GDAP1: variants seen among roughly 807,000 people sequenced by gnomAD.
GDAP1 encodes the protein ganglioside induced differentiation associated protein 1, also known as ganglioside-induced differentiation-associated protein 1.
GDAP1 carries 34 observed loss-of-function variants against 40.1 expected under a neutral mutation model. The ratio of observed to expected loss-of-function variants is 0.85; its 90% CI spans 0.64 to 1.13. The LOEUF is 1.13. Among genes scored for constraint, GDAP1 ranks in the 50% most tolerant of loss-of-function variants. GDAP1 has a pLI of 0.00. For missense variants in GDAP1, 374 were observed against 433.7 expected (o/e 0.86, Z 1.22); for synonymous variants, 170 against 157.4 (o/e 1.08, Z -0.60).
rs1386211866 is a variant in GDAP1, at chr8:74,366,330, T to C, written c.*1963T>C. 4.4e-6 allele frequency: 2 copies of C among 454,390 alleles called. No homozygotes were observed. Among genetic ancestry groups the C allele is most frequent in the African/African-American group, 4.0e-5 (2 of 50,008 alleles). 28.1% of individuals were successfully genotyped at this position (454,390 alleles called of 1,614,324 possible). ...AGACTAAGATTGAGTGTTCTTTTTG[T>C]TCAGCAACTCTTCTAAAATGTTTCA... is the stretch of plus-strand genomic sequence containing the variant. On this transcript the variant is annotated 3_prime_UTR_variant, in exon 6 of 6. Coordinates refer to ENST00000220822, the MANE Select transcript of GDAP1 (RefSeq NM_018972.4).
chr8:74,422,324 T>A (rs1182677088), intron 2 of GDAP1, among the ~76,000 whole-genome samples: 1 of 67,264 alleles, frequency 1.5e-5, no homozygotes, highest in Non-Finnish European at 2.7e-5. Flanking sequence ...TTTCTTTCTT[T>A]CTTTCTTTCT....
chr8:74,369,541 C>G (rs1236782838), downstream of GDAP1, among the ~76,000 whole-genome samples: 1 of 151,966 alleles, frequency 6.6e-6, no homozygotes, highest in African/African-American at 2.4e-5. Flanking sequence ...GCCTCAGGAA[C>G]ATGTGGAAAA....
Position 74,351,267 on chromosome 8 carries a change from C to G in GDAP1, c.118-7C>G, listed in dbSNP as rs779388585. ...TGTGTTGTAGTAACCAGTGTGAACT[C>G]TTCCAGGTGCGCTTGGTAATTGCTG... On this transcript the variant is annotated splice_polypyrimidine_tract_variant and splice_region_variant and intron_variant, in intron 1 of 5. Coordinates refer to ENST00000220822, the MANE Select transcript of GDAP1 (RefSeq NM_018972.4). The G allele has an allele frequency of 9.9e-6, 16 of 1,612,960 alleles. No individual in the cohort carries two copies. The highest frequency in any genetic ancestry group is 1.1e-5 in the Non-Finnish European group (13 of 1,178,872).
At chr8:74,379,461 T>C (rs992017577) in intron 2 of GDAP1, among the ~76,000 whole-genome samples, 4 of 152,146 alleles carry the variant, frequency 2.6e-5, no homozygotes, top group Non-Finnish European at 5.9e-5. Context: ...TGGTGGATGA[T>C]TGTATTATTA....
intron 2 of GDAP1, among the ~76,000 whole-genome samples, chr8:74,426,203 T>C (rs923362473): frequency 6.6e-6 from 1 of 152,236 alleles, no homozygotes; most frequent in Non-Finnish European, 1.5e-5. Context: ...GCAAATGGTT[T>C]CCATATACCT....
intron 4 of GDAP1, 28 bp downstream of exon 4, chr8:74,362,006 C>T: frequency 1.9e-6 from 2 of 1,076,732 alleles, no homozygotes; most frequent in Admixed American, 1.7e-5. Flanking sequence ...CCTCAGTTGA[C>T]ATACACTGCA....
Position 74,365,155 on chromosome 8 carries a change from A to G in GDAP1, c.*788A>G, listed in dbSNP as rs1396866643. On this transcript the variant is annotated 3_prime_UTR_variant, in exon 6 of 6. Transcript: ENST00000220822. Reference sequence around the variant, plus strand: ...TAGGTGAATGTCCCAGCTAATCACTAGCATGTCTAGGTATTGGCTGGGTAG... The same window carrying G: ...TAGGTGAATGTCCCAGCTAATCACTGGCATGTCTAGGTATTGGCTGGGTAG... 2 of 454,080 alleles carry G rather than the reference A, an allele frequency of 4.4e-6. No homozygotes were observed. The highest frequency in any genetic ancestry group is 2.3e-5 in the Admixed American group (1 of 42,568). 28.1% of individuals were successfully genotyped at this position (454,080 alleles called of 1,614,324 possible).
chr8:74,472,966 C>G (rs1374287434), intron 2 of GDAP1, among the ~76,000 whole-genome samples: 1 of 151,912 alleles, frequency 6.6e-6, no homozygotes, highest in African/African-American at 2.4e-5. Context: ...CCCAGGCTGA[C>G]ACTGAACTCA....
intron 2 of GDAP1, among the ~76,000 whole-genome samples, chr8:74,382,535 T>C (rs975990627): frequency 2.0e-5 from 3 of 152,156 alleles, no homozygotes; most frequent in Non-Finnish European, 2.9e-5. Context: ...TTTTGCCTAA[T>C]AAAAAATATT....
At chr8:74,458,971 C>G (rs775400195) in intron 2 of GDAP1, among the ~76,000 whole-genome samples, 1 of 152,138 alleles carries the variant, frequency 6.6e-6, no homozygotes, top group Non-Finnish European at 1.5e-5. Context: ...TTTTTGGCCT[C>G]CAGACTATGG....
At chr8:74,471,446 CTTTT>C (rs11306112) in intron 2 of GDAP1, among the ~76,000 whole-genome samples, 1 of 150,022 alleles carries the variant, frequency 6.7e-6, no homozygotes, top group African/African-American at 2.4e-5. Context: ...GTAAATTTTC[CTTTT>C]TTTTTTAAAA....
intron 2 of GDAP1, among the ~76,000 whole-genome samples, chr8:74,458,358 T>A (rs563835050): frequency 1.3e-5 from 2 of 152,202 alleles, no homozygotes; most frequent in South Asian, 4.1e-4. Flanking sequence ...TCATTCTAAG[T>A]TTGTGAGGTC....
At chr8:74,370,493 C>T (rs1057329314), downstream of GDAP1, among the ~76,000 whole-genome samples, 21 of 152,072 alleles carry the variant, frequency 1.4e-4, no homozygotes, top group African/African-American at 4.6e-4. Flanking sequence ...GATAAGAACA[C>T]GTTGTTAGCT....
intron 2 of GDAP1, among the ~76,000 whole-genome samples, chr8:74,393,838 T>C (rs918735305): frequency 6.6e-6 from 1 of 152,202 alleles, no homozygotes; most frequent in African/African-American, 2.4e-5. Context: ...TTTTAAGAGC[T>C]AAATAACTCT....
chr8:74,403,396 T>C (rs1805587965), intron 2 of GDAP1, among the ~76,000 whole-genome samples: 1 of 150,156 alleles, frequency 6.7e-6, no homozygotes, highest in Admixed American at 6.6e-5. Context: ...TTTTTTTCTA[T>C]CCTGTCAGAG....
chr8:74,364,473 T>C lies in GDAP1; in HGVS notation c.*106T>C, dbSNP rs1280470942. The stretch of plus-strand genomic sequence containing the variant: ...TTATTGAGTAGTTAGCAGTATTTTT[T>C]CCTAAAATTCAGAAGTCATCTTTGT... On this transcript the variant is annotated 3_prime_UTR_variant, in exon 6 of 6. Transcript: ENST00000220822. 1 of 1,178,610 alleles carries C rather than the reference T, an allele frequency of 8.5e-7. No homozygotes were observed. The highest frequency in any genetic ancestry group is 1.3e-6 in the Non-Finnish European group (1 of 798,454). 73.0% of individuals were successfully genotyped at this position (1,178,610 alleles called of 1,614,324 possible). A position where few individuals can be genotyped will look rare whatever the true frequency, so the allele number is the denominator to read the frequency against.
chr8:74,409,418 C>G (rs1805680500), intron 2 of GDAP1, among the ~76,000 whole-genome samples: 1 of 149,832 alleles, frequency 6.7e-6, no homozygotes, highest in Admixed American at 6.6e-5. Flanking sequence ...GTGGTGCGAT[C>G]TTGGCTCACT....
At chr8:74,452,369 A>T in intron 2 of GDAP1, among the ~76,000 whole-genome samples, 1 of 83,132 alleles carries the variant, frequency 1.2e-5, no homozygotes, top group Non-Finnish European at 2.4e-5. Flanking sequence ...TTTTTGGTCC[A>T]TGTTTCTCTT....
At chr8:74,387,520 A>G (rs1810042912) in intron 2 of GDAP1, among the ~76,000 whole-genome samples, 1 of 152,244 alleles carries the variant, frequency 6.6e-6, no homozygotes, top group Non-Finnish European at 1.5e-5. Flanking sequence ...CTTGCATCCC[A>G]GGGATGAAAC....
Sources: allele counts gnomAD v4.1 joint callset (sites outside exome capture counted in the v4.1 genomes callset), GRCh38; gene constraint gnomAD v4.1.1; transcripts MANE v1.5; gene names NCBI Gene and HGNC (gene_info 2026-07-23, HGNC 2026-07-21).